ITPR1: variants seen among roughly 807,000 people sequenced by gnomAD.
ITPR1 encodes inositol 1,4,5-trisphosphate-gated calcium channel ITPR1.
Under a neutral mutation model 318.4 loss-of-function variants are expected in ITPR1, and 96 were observed. The observed-to-expected ratio is 0.30, with a 90% CI of 0.26 to 0.36. The LOEUF (loss-of-function observed/expected upper bound fraction) is 0.36. Among genes scored for constraint, ITPR1 ranks in the 10% least tolerant of loss-of-function variants. ITPR1 has a pLI of 1.00. For synonymous variants in ITPR1, 1,312 were observed against 1,289.9 expected, an observed-to-expected ratio of 1.02 and a Z score of -0.37; for missense variants, 2,440 against 3,460.2, an observed-to-expected ratio of 0.71 and a Z score of 7.40.
chr3:4,694,160 T>C lies in ITPR1; in HGVS notation c.4281+419T>C, dbSNP rs557918936. 2.6e-5 allele frequency among the ~76,000 whole-genome samples: 4 copies of C among 151,870 alleles called. No homozygotes were observed. The East Asian group carries it at 7.7e-4, about 29-fold the overall frequency. Reference sequence around the variant, plus strand: ...GAAATAATGGCCATTATAAAAAATTTAGGAACTACAGACAATCAATTAAAA... The same window carrying C: ...GAAATAATGGCCATTATAAAAAATTCAGGAACTACAGACAATCAATTAAAA... On this transcript the variant is annotated intron_variant, in intron 33 of 61. Transcript: ENST00000649015.
At chr3:4,700,906 C>T (rs1209711478) in intron 35 of ITPR1, among the ~76,000 whole-genome samples, 1 of 152,130 alleles carries the variant, frequency 6.6e-6, no homozygotes, top group Non-Finnish European at 1.5e-5. Context: ...CTTTATAAAA[C>T]CATCAGATCA....
intron 30 of ITPR1, among the ~76,000 whole-genome samples, chr3:4,687,941 A>G (rs2094422651): frequency 6.6e-6 from 1 of 152,196 alleles, no homozygotes; most frequent in Non-Finnish European, 1.5e-5. Context: ...GTTAATGTCT[A>G]ATAGGTCGGA....
chr3:4,567,603 GT>G (rs60589063), intron 4 of ITPR1, among the ~76,000 whole-genome samples: 158 of 140,774 alleles, frequency 1.1e-3, no homozygotes, highest in African/African-American at 3.1e-3. Context: ...GCTTGAGCTA[GT>G]TTTTTTTGGT....
intron 4 of ITPR1, among the ~76,000 whole-genome samples, chr3:4,609,079 TATATATATATAC>T (rs1389055470): frequency 4.4e-5 from 4 of 91,542 alleles, no homozygotes; most frequent in African/African-American, 4.6e-5. Context: ...TATATATATA[TATATATATATAC>T]ACACACACGT....
intron 61 of ITPR1, among the ~76,000 whole-genome samples, chr3:4,845,866 C>T (rs1364933046): frequency 1.3e-5 from 2 of 152,168 alleles, no homozygotes; most frequent in African/African-American, 2.4e-5. Context: ...AAGAAAGAAT[C>T]CTGTGCTTTT....
In ITPR1 at chr3:4,836,803, G is replaced by A; in HGVS notation, c.8058G>A (p.Met2686Ile). The change falls in exon 61 of 62, where the codon ATG (methionine) becomes ATA (isoleucine). Residue 2686 changes from methionine to isoleucine, a missense_variant. Met to Ile is a conservative substitution (Grantham distance 10). Transcript: ENST00000649015. ...GAAACCTTGACTGGTTCCCCAGGATGAGAGCCATGTCATTGGTCAGCAGTG... is the reference window on the plus strand; with the variant it reads ...GAAACCTTGACTGGTTCCCCAGGATAAGAGCCATGTCATTGGTCAGCAGTG... The part of the protein sequence containing the change: ...KERNLDWFPR[M>I]RAMSLVSSDS... 1 of 1,442,174 alleles carries A rather than the reference G, an allele frequency of 6.9e-7. No homozygotes were observed. Among genetic ancestry groups the A allele is most frequent in the Non-Finnish European group, 9.3e-7 (1 of 1,078,378 alleles). The allele number at this position is 1,442,174 out of a possible 1,614,324, so 89.3% of individuals were successfully genotyped here. A position where few individuals can be genotyped will look rare whatever the true frequency, so the allele number is the denominator to read the frequency against.
At position 4,691,303 on chromosome 3, in the gene ITPR1, G is replaced by A; in HGVS notation, c.3988G>A (p.Gly1330Arg). Reference sequence around the variant, plus strand: ...CTTACAGACAATTGTCAAGGCAGAAGGGAAATTTATTAAAAAATGCCAAGA... The same window carrying A: ...CTTACAGACAATTGTCAAGGCAGAAAGGAAATTTATTAAAAAATGCCAAGA... Reference protein sequence around the residue: ...KFLQTIVKAEGKFIKKCQDMV... With the variant: ...KFLQTIVKAERKFIKKCQDMV... Residue 1330 changes from glycine (G) to arginine (R), a missense_variant, in exon 32 of 62, where the codon GGG becomes AGG. By Grantham distance (125) the Gly-to-Arg change is moderately radical. This residue lies in a region of ITPR1 where 222 missense variants were observed against 318.8 expected (regional missense o/e 0.70). Transcript: ENST00000649015. 6.2e-7 allele frequency: 1 copy of A among 1,613,408 alleles called. No individual in the cohort carries two copies. Among genetic ancestry groups the A allele is most frequent in the Non-Finnish European group, 8.5e-7 (1 of 1,179,508 alleles).
At chr3:4,803,035 A>G (rs756273069) in intron 54 of ITPR1, among the ~76,000 whole-genome samples, 20 of 152,186 alleles carry the variant, frequency 1.3e-4, no homozygotes, top group Admixed American at 2.6e-4. Context: ...TTGCAGCTGT[A>G]CAGGAAGCAT....
At chr3:4,766,041 A>C (rs530330803) in intron 44 of ITPR1, among the ~76,000 whole-genome samples, 1 of 152,192 alleles carries the variant, frequency 6.6e-6, no homozygotes, top group African/African-American at 2.4e-5. Flanking sequence ...ATTTAGTCTG[A>C]TTTATGGACA....
intron 5 of ITPR1, among the ~76,000 whole-genome samples, chr3:4,634,141 C>T (rs1023475258): frequency 6.6e-6 from 1 of 151,674 alleles, no homozygotes; most frequent in African/African-American, 2.4e-5. Flanking sequence ...ACCCATTATT[C>T]AAGGGAAAAG....
At chr3:4,629,300 C>T (rs758986224) in intron 5 of ITPR1, among the ~76,000 whole-genome samples, 15 of 152,054 alleles carry the variant, frequency 9.9e-5, no homozygotes, top group African/African-American at 2.7e-4. Flanking sequence ...ACATTGTTTT[C>T]CTGGCTCTTC....
At chr3:4,741,170 AGAG>A (rs1371297322) in intron 44 of ITPR1, among the ~76,000 whole-genome samples, 2 of 152,140 alleles carry the variant, frequency 1.3e-5, no homozygotes, top group African/African-American at 4.8e-5. Flanking sequence ...CCTGGAATGA[AGAG>A]GAGGACAGGC....
intron 4 of ITPR1, among the ~76,000 whole-genome samples, chr3:4,580,508 T>C (rs1158164744): frequency 1.3e-5 from 2 of 152,160 alleles, no homozygotes; most frequent in East Asian, 3.9e-4. Context: ...TCATCTAATC[T>C]CCTAATGTCC....
chr3:4,814,158 T>C (rs1345174823), intron 57 of ITPR1: 2 of 447,676 alleles, frequency 4.5e-6, no homozygotes, highest in Non-Finnish European at 8.2e-6. Flanking sequence ...GTTTAAAACC[T>C]GAAAAGGACA....
intron 4 of ITPR1, among the ~76,000 whole-genome samples, chr3:4,568,168 G>A (rs1297996971): frequency 6.6e-6 from 1 of 152,162 alleles, no homozygotes; most frequent in Non-Finnish European, 1.5e-5. Flanking sequence ...TAGAGTTTGT[G>A]TTAAAACTTT....
chr3:4,763,728 A>G (rs992070381), intron 44 of ITPR1, among the ~76,000 whole-genome samples: 18 of 152,370 alleles, frequency 1.2e-4, no homozygotes, highest in African/African-American at 4.1e-4. Flanking sequence ...CACACACAGC[A>G]ATGTGGCGTT....
intron 4 of ITPR1, among the ~76,000 whole-genome samples, chr3:4,542,592 G>A (rs1326994326): frequency 6.7e-5 from 10 of 149,800 alleles, no homozygotes; most frequent in Middle Eastern, 3.4e-3. Flanking sequence ...TCTCCTCGTA[G>A]TTCACAAACA....
At chr3:4,696,148 A>G (rs1005990395) in intron 33 of ITPR1, among the ~76,000 whole-genome samples, 1 of 152,204 alleles carries the variant, frequency 6.6e-6, no homozygotes, top group Non-Finnish European at 1.5e-5. Flanking sequence ...TCACTTGTTT[A>G]AAGTGTACAA....
chr3:4,726,348 A>T (rs1460031927), intron 41 of ITPR1, among the ~76,000 whole-genome samples: 1 of 152,048 alleles, frequency 6.6e-6, no homozygotes, highest in African/African-American at 2.4e-5. Flanking sequence ...AGTTAAAAAA[A>T]AAAAAAAAAT....
Sources: gnomAD v4.1 joint callset for allele counts (sites outside exome capture counted in the v4.1 genomes callset) on GRCh38, gnomAD v4.1.1 for gene constraint, gnomAD v4.1.1 regional missense constraint, MANE v1.5 for transcripts, NCBI Gene and HGNC (gene_info 2026-07-23, HGNC 2026-07-21) for gene names.